Variants in NDUFS7 observed in about 807,000 individuals in gnomAD.
NDUFS7 encodes NADH dehydrogenase [ubiquinone] iron-sulfur protein 7, mitochondrial.
A neutral mutation model predicts 31.1 loss-of-function variants in NDUFS7; 11 were observed. The ratio of observed to expected loss-of-function variants is 0.35; its 90% CI spans 0.22 to 0.59. NDUFS7 has a LOEUF of 0.59. Among genes scored for constraint, NDUFS7 ranks in the 20% least tolerant of loss-of-function variants. The pLI, the probability that NDUFS7 is intolerant of heterozygous loss-of-function variation, is 0.79. For missense variants in NDUFS7, 263 were observed against 324.2 expected (o/e 0.81, Z 1.45); for synonymous variants, 136 against 127.9 (o/e 1.06, Z -0.43).
At chr19:1,383,973 C>A (rs1201316399) in intron 1 of NDUFS7, 31 bp downstream of exon 1, 1 of 1,555,456 alleles carries the variant, frequency 6.4e-7, no homozygotes, top group Non-Finnish European at 8.7e-7. Flanking sequence ...GGGTGTGGGG[C>A]CGCGCGGGTC....
intron 3 of NDUFS7, 111 bp from the exon 4 acceptor site, chr19:1,388,722 C>T (rs558627153): frequency 3.5e-6 from 5 of 1,428,444 alleles, no homozygotes; most frequent in East Asian, 2.5e-5. Context: ...CATCCCAGTC[C>T]CTGACCTCAT....
chr19:1,393,879 G>C lies in NDUFS7; in HGVS notation c.544+549G>C, dbSNP rs2082574224. 1 of 240,376 alleles carries C rather than the reference G, an allele frequency of 4.2e-6. No individual in the cohort carries two copies. Among genetic ancestry groups the C allele is most frequent in the African/African-American group, 2.2e-5 (1 of 44,796 alleles). The allele number at this position is 240,376 out of a possible 1,614,324, so 14.9% of individuals were successfully genotyped here. On this transcript the variant is annotated intron_variant, in intron 7 of 7. Coordinates refer to ENST00000233627, the MANE Select transcript of NDUFS7 (RefSeq NM_024407.5). The surrounding 1 kb of genome is among the most constrained non-coding windows in gnomAD (Gnocchi z 7.3). The stretch of plus-strand genomic sequence containing the variant: ...TATACTGACACTAAAAAGAGCATTG[G>C]CTGCATACCTGAAATTCACATCGCA...
chr19:1,387,317 C>G (rs954561505), intron 1 of NDUFS7, among the ~76,000 whole-genome samples: 2 of 152,254 alleles, frequency 1.3e-5, no homozygotes, highest in African/African-American at 4.8e-5. Context: ...GCAGGCACCC[C>G]ACAAGCACGC....
At position 1,391,168 on chromosome 19, in the gene NDUFS7, G is replaced by C. The variant is rs1466474153; in HGVS notation, c.455+3G>C. On this transcript the variant is annotated splice_donor_region_variant and intron_variant, in intron 6 of 7. Transcript: ENST00000233627. ...CGCTACGTGGTCTCCATGGGGAGGT[G>C]AGTGCAGGGCGGGGGGTCTCCAGGG... 6.2e-7 allele frequency: 1 copy of C among 1,611,916 alleles called. No homozygotes were observed. Among genetic ancestry groups the C allele is most frequent in the African/African-American group, 1.3e-5 (1 of 74,842 alleles).
rs2082523085 is a variant in NDUFS7, at chr19:1,388,290, CTG to C, written c.54-233_54-232del. ...TCCTGGGACCGTCCTTGCTTGGACA[CTG>C]TTGACCTGCTGGGTACGTCACAAAA... On this transcript the variant is annotated intron_variant, in intron 2 of 7. Coordinates refer to ENST00000233627, the MANE Select transcript of NDUFS7 (RefSeq NM_024407.5). 2.8e-5 allele frequency: 17 copies of C among 610,384 alleles called. No homozygotes were observed. In the South Asian group the frequency reaches 3.0e-4, roughly 11 times the overall value. 37.8% of individuals were successfully genotyped at this position (610,384 alleles called of 1,614,324 possible). A position where few individuals can be genotyped will look rare whatever the true frequency, so the allele number is the denominator to read the frequency against.
At chr19:1,394,696 C>G (rs1452851250) in intron 7 of NDUFS7, 2 of 1,188,800 alleles carry the variant, frequency 1.7e-6, no homozygotes, top group East Asian at 5.9e-5. Flanking sequence ...TCCCTCCCTG[C>G]GGACTGTGCT....
rs376316964 is a variant in NDUFS7, at chr19:1,389,221, A to G, written c.228+283A>G. 2.5e-5 allele frequency: 17 copies of G among 670,964 alleles called. 1 individual carries two copies. Among genetic ancestry groups the G allele is most frequent in the African/African-American group, 2.4e-4 (13 of 55,074 alleles). The allele number at this position is 670,964 out of a possible 1,614,324, so 41.6% of individuals were successfully genotyped here. ...TGCACACACGCTTGCACACATACAC[A>G]CATGCACACTTGCACTCATGCACAC... On this transcript the variant is annotated intron_variant, in intron 4 of 7. Transcript: ENST00000233627.
Position 1,390,946 on chromosome 19 carries a change from G to T in NDUFS7, c.304G>T (p.Asp102Tyr). ...GATGCACATGGCAGCACCCCGCTAC[G>T]ACATGGACCGCTTTGGCGTGGTCTT... ...EMMHMAAPRYDMDRFGVVFRA... is the reference protein window; with the variant it reads ...EMMHMAAPRYYMDRFGVVFRA... Residue 102 changes from aspartate to tyrosine, a missense_variant, in exon 5 of 8, where the codon GAC becomes TAC. Physicochemically the swap from Asp to Tyr is radical, Grantham distance 160 (BLOSUM62 -3). Coordinates refer to ENST00000233627, the MANE Select transcript of NDUFS7 (RefSeq NM_024407.5). 6.2e-7 allele frequency: 1 copy of T among 1,612,664 alleles called. No homozygotes were observed. The highest frequency in any genetic ancestry group is 8.5e-7 in the Non-Finnish European group (1 of 1,179,888).
chr19:1,393,907 G>A lies in NDUFS7; in HGVS notation c.544+577G>A, dbSNP rs544432716. 1.4e-4 allele frequency: 32 copies of A among 236,832 alleles called. No individual in the cohort carries two copies. The highest frequency in any genetic ancestry group is 4.5e-4 in the African/African-American group (20 of 44,624). The allele number at this position is 236,832 out of a possible 1,614,324, so 14.7% of individuals were successfully genotyped here. On this transcript the variant is annotated intron_variant, in intron 7 of 7. Transcript: ENST00000233627. This position sits in a 1 kb window ranked among gnomAD's most constrained non-coding sequence, Gnocchi z 7.3. ...GCATACCTGAAATTCACATCGCACC[G>A]GGAACATTCTTTATATCTGGTGATC...
chr19:1,391,918 A>G (rs547278111), intron 6 of NDUFS7: 2 of 149,376 alleles, frequency 1.3e-5, no homozygotes, highest in Admixed American at 6.7e-5. Context: ...GCACGATCTC[A>G]GCCCACTACA....
At chr19:1,394,727 C>T in intron 7 of NDUFS7, 1 of 1,192,708 alleles carries the variant, frequency 8.4e-7, no homozygotes, top group Non-Finnish European at 1.1e-6. Context: ...TTGGAGCAGC[C>T]TGGACTTGCC....
At chr19:1,384,352 G>A (rs2082494071) in intron 1 of NDUFS7, among the ~76,000 whole-genome samples, 1 of 152,200 alleles carries the variant, frequency 6.6e-6, no homozygotes, top group Non-Finnish European at 1.5e-5. Flanking sequence ...CCGGGCCTGG[G>A]AAGGAACAGG....
In NDUFS7 at chr19:1,390,941, G is replaced by A. The variant is rs1239947031; in HGVS notation, c.299G>A (p.Arg100His). 1.2e-6 allele frequency: 2 copies of A among 1,612,494 alleles called. No individual in the cohort carries two copies. The highest frequency in any genetic ancestry group is 2.2e-5 in the South Asian group (2 of 91,084). ...AVEMMHMAAP[R>H]YDMDRFGVVF... The stretch of plus-strand genomic sequence containing the variant: ...GAGATGATGCACATGGCAGCACCCC[G>A]CTACGACATGGACCGCTTTGGCGTG... Residue 100 changes from arginine (R) to histidine (H), a missense_variant, in exon 5 of 8, where the codon CGC becomes CAC. Transcript: ENST00000233627.
intron 4 of NDUFS7, chr19:1,390,513 C>T (rs372379924): frequency 6.0e-5 from 24 of 402,554 alleles, no homozygotes; most frequent in Middle Eastern, 7.4e-4. Flanking sequence ...ATCTAGTTAA[C>T]GCAGAGAGTT....
chr19:1,393,973 T>C lies in NDUFS7; in HGVS notation c.544+643T>C, dbSNP rs2144625383. On this transcript the variant is annotated intron_variant, in intron 7 of 7. Coordinates refer to ENST00000233627, the MANE Select transcript of NDUFS7 (RefSeq NM_024407.5). This position sits in a 1 kb window ranked among gnomAD's most constrained non-coding sequence, Gnocchi z 7.3. ...ACCTCACGTGGTCCCACGAGGGCCA[T>C]CCCCCCGGGCGTTCACCTTGACAGT... 1 of 239,550 alleles carries C rather than the reference T, an allele frequency of 4.2e-6. No homozygotes were observed. Among genetic ancestry groups the C allele is most frequent in the Non-Finnish European group, 8.3e-6 (1 of 119,868 alleles). The allele number at this position is 239,550 out of a possible 1,614,324, so 14.8% of individuals were successfully genotyped here. A position where few individuals can be genotyped will look rare whatever the true frequency, so the allele number is the denominator to read the frequency against.
At chr19:1,387,707 C>CACACGAG (rs1266419165) in intron 1 of NDUFS7, 104 bp from the exon 2 acceptor site, 1 of 1,045,700 alleles carries the variant, frequency 9.6e-7, no homozygotes, top group African/African-American at 1.5e-5. Flanking sequence ...GAGTTGGGAT[C>CACACGAG]AGAGCTAGGC....
At chr19:1,389,785 A>G (rs1489910020) in intron 4 of NDUFS7, 1 of 329,430 alleles carries the variant, frequency 3.0e-6, no homozygotes, top group South Asian at 2.5e-5. Context: ...ATGGACGTTC[A>G]CTGTTTCCTT....
At chr19:1,384,802 T>G (rs1376582832) in intron 1 of NDUFS7, among the ~76,000 whole-genome samples, 1 of 152,224 alleles carries the variant, frequency 6.6e-6, no homozygotes, top group Non-Finnish European at 1.5e-5. Flanking sequence ...TTTTGTTGTC[T>G]ATGCTAAGAA....
chr19:1,394,121 G>C, intron 7 of NDUFS7: 1 of 338,664 alleles, frequency 3.0e-6, no homozygotes, highest in Non-Finnish European at 5.8e-6. Context: ...CCTGAGTCCC[G>C]AGTCTGGGGG....
Sources: gnomAD v4.1 joint callset for allele counts (sites outside exome capture counted in the v4.1 genomes callset) on GRCh38, gnomAD v4.1.1 for gene constraint, Gnocchi (gnomAD v3.1) non-coding constraint, MANE v1.5 for transcripts, NCBI Gene and HGNC (gene_info 2026-07-23, HGNC 2026-07-21) for gene names.